The following TIMMDC1 variants were observed in gnomAD, a reference collection of about 807,000 sequenced individuals.
TIMMDC1 encodes the protein complex I assembly factor TIMMDC1, mitochondrial.
TIMMDC1 carries 25 observed loss-of-function variants against 32.6 expected under a neutral mutation model. The ratio of observed to expected loss-of-function variants is 0.77; its 90% CI spans 0.56 to 1.07. TIMMDC1 has a LOEUF of 1.07. TIMMDC1 is among the 50% of genes least tolerant of loss of function. TIMMDC1 has a pLI of 0.00. For missense variants in TIMMDC1, 329 were observed against 349.2 expected (o/e 0.94, Z 0.46); for synonymous variants, 130 against 127.6 (o/e 1.02, Z -0.13).
At chr3:119,522,303 CAG>C (rs1402440143) in intron 6 of TIMMDC1, among the ~76,000 whole-genome samples, 1 of 152,072 alleles carries the variant, frequency 6.6e-6, no homozygotes, top group African/African-American at 2.4e-5. Flanking sequence ...AAGTCATACA[CAG>C]AAAGATAAAT....
intron 4 of TIMMDC1, among the ~76,000 whole-genome samples, chr3:119,511,381 G>C (rs1034930880): frequency 9.9e-5 from 15 of 151,984 alleles, no homozygotes; most frequent in Admixed American, 5.9e-4. Context: ...AGACTGAGGT[G>C]GGGGAGAATA....
intron 4 of TIMMDC1, among the ~76,000 whole-genome samples, chr3:119,509,749 G>A (rs375880069): frequency 3.3e-5 from 5 of 150,290 alleles, no homozygotes; most frequent in Admixed American, 3.3e-4. Context: ...GCAGTGGTGC[G>A]ATCTCGGCTC....
At chr3:119,506,961 A>G (rs1282159189) in intron 4 of TIMMDC1, among the ~76,000 whole-genome samples, 1 of 152,200 alleles carries the variant, frequency 6.6e-6, no homozygotes, top group Non-Finnish European at 1.5e-5. Context: ...ATCATTTGTC[A>G]GCCTCAGCTT....
At chr3:119,511,410 G>C (rs2081951426) in intron 4 of TIMMDC1, among the ~76,000 whole-genome samples, 1 of 151,964 alleles carries the variant, frequency 6.6e-6, no homozygotes, top group East Asian at 1.9e-4. Flanking sequence ...CCGGGAGGCA[G>C]AGGTTGCAGT....
chr3:119,502,304 G>A (rs2081883192), intron 2 of TIMMDC1, among the ~76,000 whole-genome samples: 1 of 151,298 alleles, frequency 6.6e-6, no homozygotes, highest in African/African-American at 2.4e-5. Flanking sequence ...ATCTTGGCTT[G>A]CTGCAACCTC....
At chr3:119,509,280 A>G (rs953233819) in intron 4 of TIMMDC1, among the ~76,000 whole-genome samples, 2 of 152,192 alleles carry the variant, frequency 1.3e-5, no homozygotes, top group Non-Finnish European at 2.9e-5. Context: ...AGATAAATGA[A>G]AACATGTCCA....
rs2081842486 is a variant in TIMMDC1 at position 119,498,692 on chromosome 3, A to AG, written c.-41dup. 1 of 1,592,830 alleles carries AG rather than the reference A, an allele frequency of 6.3e-7. No individual in the cohort carries two copies. Among genetic ancestry groups the AG allele is most frequent in the African/African-American group, 1.3e-5 (1 of 74,350 alleles). On this transcript the variant is annotated 5_prime_UTR_variant, in exon 1 of 7. Coordinates refer to ENST00000494664, the MANE Select transcript of TIMMDC1 (RefSeq NM_016589.4). ...CCGCGGCACGTCCGCGAGGACTTGA[A>AG]GTCCTGAGCGCTCAAGTTTGTCCGT... is the stretch of plus-strand genomic sequence containing the variant.
intron 1 of TIMMDC1, 113 bp downstream of exon 1, chr3:119,499,040 A>G: frequency 1.3e-6 from 1 of 761,262 alleles, no homozygotes; most frequent in Non-Finnish European, 2.2e-6. Flanking sequence ...TCATTTTTAG[A>G]TTATATTTGA....
chr3:119,499,734 G>T (rs2081855520), intron 1 of TIMMDC1, among the ~76,000 whole-genome samples: 1 of 152,180 alleles, frequency 6.6e-6, no homozygotes, highest in African/African-American at 2.4e-5. Context: ...GCCTAGAAGG[G>T]CAATTATTTT....
chr3:119,504,311 G>A (rs2081901819), intron 4 of TIMMDC1, among the ~76,000 whole-genome samples: 1 of 152,184 alleles, frequency 6.6e-6, no homozygotes, highest in African/African-American at 2.4e-5. Context: ...ATCTCATATG[G>A]ACAGGGTAGT....
chr3:119,506,384 T>G (rs2081918993), intron 4 of TIMMDC1, among the ~76,000 whole-genome samples: 1 of 152,126 alleles, frequency 6.6e-6, no homozygotes, highest in Non-Finnish European at 1.5e-5. Flanking sequence ...CTGGGCATGG[T>G]GATTCATGCC....
At position 119,517,260 on chromosome 3, in the gene TIMMDC1, C is replaced by G. The variant is rs746765122; in HGVS notation, c.652C>G (p.Gln218Glu). 19 of 1,613,772 alleles carry G rather than the reference C, an allele frequency of 1.2e-5. No individual in the cohort carries two copies. The highest frequency in any genetic ancestry group is 1.4e-5 in the Non-Finnish European group (17 of 1,179,794). Residue 218 changes from glutamine to glutamate, a missense_variant, in exon 6 of 7, where the codon CAG becomes GAG. By Grantham distance (29) the Gln-to-Glu change is conservative. Coordinates refer to ENST00000494664, the MANE Select transcript of TIMMDC1 (RefSeq NM_016589.4). ...TCAGAAGTACTCTGGTGAGACTGTT[C>G]AGGAAAGAAAACAGAAGGATCGAAA... The part of the protein sequence containing the change: ...AFQKYSGETV[Q>E]ERKQKDRKAL...
rs546312999 is a variant in TIMMDC1, at chr3:119,524,976, T to C, written c.*1220T>C. 6.6e-6 allele frequency: 1 copy of C among 152,312 alleles called. No homozygotes were observed. Among genetic ancestry groups the C allele is most frequent in the Admixed American group, 6.5e-5 (1 of 15,296 alleles). The allele number at this position is 152,312 out of a possible 1,614,324, so 9.4% of individuals were successfully genotyped here. ...TCTCATAAATATTTTACAAATGAGGTCAAACTAGCATAAAGCCATTTAAAG... is the reference window on the plus strand; with the variant it reads ...TCTCATAAATATTTTACAAATGAGGCCAAACTAGCATAAAGCCATTTAAAG... On this transcript the variant is annotated 3_prime_UTR_variant, in exon 7 of 7. Coordinates refer to ENST00000494664, the MANE Select transcript of TIMMDC1 (RefSeq NM_016589.4).
At position 119,498,553 on chromosome 3, in the gene TIMMDC1, T is replaced by G. The variant is rs1278593815; in HGVS notation, c.-181T>G. ...GTCGGGCGGGACTTCCTGTGTCGTATTTCCAAGGACTCCAAAGCGAGGCCG... is the reference window on the plus strand; with the variant it reads ...GTCGGGCGGGACTTCCTGTGTCGTAGTTCCAAGGACTCCAAAGCGAGGCCG... On this transcript the variant is annotated 5_prime_UTR_variant, in exon 1 of 7. Transcript: ENST00000494664. 9 of 601,030 alleles carry G rather than the reference T, an allele frequency of 1.5e-5. No individual in the cohort carries two copies. Among genetic ancestry groups the G allele is most frequent in the Non-Finnish European group, 2.6e-5 (9 of 347,894 alleles). The allele number at this position is 601,030 out of a possible 1,614,324, so 37.2% of individuals were successfully genotyped here.
intron 4 of TIMMDC1, among the ~76,000 whole-genome samples, chr3:119,510,297 T>C (rs2081945015): frequency 6.6e-6 from 1 of 152,152 alleles, no homozygotes; most frequent in African/African-American, 2.4e-5. Flanking sequence ...ATTTAATAAA[T>C]GTACAACTTC....
chr3:119,514,265 AGTT>A (rs2081972105), intron 5 of TIMMDC1, among the ~76,000 whole-genome samples: 1 of 152,160 alleles, frequency 6.6e-6, no homozygotes, highest in Non-Finnish European at 1.5e-5. Context: ...TAGATTCACC[AGTT>A]GTTAACGCCT....
chr3:119,516,704 C>G lies in TIMMDC1; in HGVS notation c.597-501C>G, dbSNP rs142305168. Among the ~76,000 whole-genome samples, 6 of 152,266 alleles carry G rather than the reference C, an allele frequency of 3.9e-5. No homozygotes were observed. The East Asian group carries it at 5.8e-4, about 15-fold the overall frequency. On this transcript the variant is annotated intron_variant, in intron 5 of 6. Transcript: ENST00000494664. ...ATTGGCATTGTGGGTGAGACAGTTACGCCAGACTCTTGAACTTCAGGATAT... is the reference window on the plus strand; with the variant it reads ...ATTGGCATTGTGGGTGAGACAGTTAGGCCAGACTCTTGAACTTCAGGATAT...
chr3:119,510,482 A>G (rs2081946059), intron 4 of TIMMDC1, among the ~76,000 whole-genome samples: 1 of 152,140 alleles, frequency 6.6e-6, no homozygotes, highest in Admixed American at 6.5e-5. Context: ...TATTAAGAGC[A>G]TAGCAAAGAC....
chr3:119,501,328 T>C (rs998916882), intron 2 of TIMMDC1, among the ~76,000 whole-genome samples: 2 of 152,270 alleles, frequency 1.3e-5, no homozygotes, highest in Admixed American at 1.3e-4. Context: ...TTTGAAATTA[T>C]AGCAGGCTTG....
Sources: gnomAD v4.1 joint callset for allele counts (sites outside exome capture counted in the v4.1 genomes callset) on GRCh38, gnomAD v4.1.1 for gene constraint, MANE v1.5 for transcripts, NCBI Gene and HGNC (gene_info 2026-07-23, HGNC 2026-07-21) for gene names.